The following CCT6A variants were observed in gnomAD, a reference collection of about 807,000 sequenced individuals.
CCT6A encodes the protein T-complex protein 1 subunit zeta.
CCT6A carries 6 observed loss-of-function variants against 58.6 expected under a neutral mutation model. The observed-to-expected ratio is 0.10, with a 90% confidence interval of 0.06 to 0.20. The LOEUF (loss-of-function observed/expected upper bound fraction) is 0.20, where lower values mean the gene tolerates loss of function less well. Among genes scored for constraint, CCT6A ranks in the 10% least tolerant of loss-of-function variants. CCT6A has a pLI of 1.00. For missense variants in CCT6A, 516 were observed against 648.8 expected, an observed-to-expected ratio of 0.80 and a Z score of 2.22; for synonymous variants, 245 against 227.8, an observed-to-expected ratio of 1.08 and a Z score of -0.68.
Position 56,058,631 on chromosome 7 carries a change from C to T in CCT6A, c.897C>T (p.Pro299=), listed in dbSNP as rs748610862. Residue 299 remains proline (P), a synonymous_variant, in exon 8 of 14, where the codon CCC becomes CCT. Transcript: ENST00000275603. ...FVVINQKGID[P]FSLDALSKEG... is the part of the protein sequence containing the mutation. ...TATTTTTGTTACAGGGAATTGACCC[C>T]TTTTCCTTAGATGCTCTTTCAAAAG... 7.5e-6 allele frequency: 12 copies of T among 1,606,274 alleles called. No homozygotes were observed. In the South Asian group the frequency reaches 8.8e-5, roughly 12 times the overall value.
At chr7:56,060,682 T>TC (rs1416341315) in intron 10 of CCT6A, 125 bp from the exon 11 acceptor site, 12 of 1,245,870 alleles carry the variant, frequency 9.6e-6, no homozygotes, top group Non-Finnish European at 1.4e-5. Context: ...CTATTTGGTA[T>TC]GTTAGTCACT....
intron 11 of CCT6A, 136 bp downstream of exon 11, chr7:56,061,076 T>G: frequency 4.5e-6 from 4 of 881,108 alleles, no homozygotes; most frequent in African/African-American, 3.4e-5. Flanking sequence ...AGAACAGGTA[T>G]TCCTCATCAT....
chr7:56,060,375 T>C lies in CCT6A; in HGVS notation c.1172T>C (p.Val391Ala), dbSNP rs778588911. ...ACACTCACTCAGATCAAAGATGCAG[T>C]GAGGGACGGCTTGAGGGCTGTCAAA... ...KHTLTQIKDA[V>A]RDGLRAVKNA... Residue 391 changes from valine to alanine, a missense_variant, in exon 10 of 14, where the codon GTG (valine) becomes GCG (alanine). This residue lies in a region of CCT6A where 315 missense variants were observed against 389.4 expected (regional missense o/e 0.81). Coordinates refer to ENST00000275603, the MANE Select transcript of CCT6A (RefSeq NM_001762.4). 6.2e-7 allele frequency: 1 copy of C among 1,614,082 alleles called. No individual in the cohort carries two copies. The highest frequency in any genetic ancestry group is 8.5e-7 in the Non-Finnish European group (1 of 1,179,954).
intron 6 of CCT6A, 61 bp from the exon 7 acceptor site, chr7:56,058,301 G>C: frequency 7.8e-7 from 1 of 1,290,286 alleles, no homozygotes. Flanking sequence ...GACTAATCCA[G>C]TTTCAGAAGC....
At chr7:56,060,159 A>G in intron 9 of CCT6A, 110 bp from the exon 10 acceptor site, 1 of 905,144 alleles carries the variant, frequency 1.1e-6, no homozygotes, top group East Asian at 2.5e-5. Flanking sequence ...CTTTAATGTG[A>G]TCAAGTTTGT....
chr7:56,055,625 G>A lies in CCT6A; in HGVS notation c.338G>A (p.Gly113Asp). Residue 113 changes from glycine to aspartate, a missense_variant and splice_region_variant, in exon 4 of 14, where the codon GGC becomes GAC. By Grantham distance (94) the Gly-to-Asp change is moderately conservative. This residue lies in a region of CCT6A where 116 missense variants were observed against 184.5 expected (regional missense o/e 0.63). Transcript: ENST00000275603. The part of the protein sequence containing the change: ...LKQADLYISE[G>D]LHPRIITEGF... ...AGTGTTAATGTGTGTTTATTTTAGGGCCTTCATCCTAGAATAATCACTGAA... is the reference window on the plus strand; with the variant it reads ...AGTGTTAATGTGTGTTTATTTTAGGACCTTCATCCTAGAATAATCACTGAA... 1 of 1,612,556 alleles carries A rather than the reference G, an allele frequency of 6.2e-7. No individual in the cohort carries two copies. Among genetic ancestry groups the A allele is most frequent in the Non-Finnish European group, 8.5e-7 (1 of 1,178,878 alleles).
At chr7:56,062,819 T>C (rs1794495424) in intron 13 of CCT6A, 64 bp downstream of exon 13, 67 of 1,390,306 alleles carry the variant, frequency 4.8e-5, no homozygotes, top group Non-Finnish European at 5.9e-5. Context: ...TGGTGTTCTC[T>C]GTTTAGTTGC....
intron 5 of CCT6A, among the ~76,000 whole-genome samples, chr7:56,056,992 TCAC>T (rs1286434467): frequency 2.0e-5 from 3 of 152,078 alleles, no homozygotes; most frequent in Non-Finnish European, 2.9e-5. Context: ...AGACGGGGTT[TCAC>T]CATGTTAACC....
At chr7:56,061,599 G>A (rs1352968572) in intron 11 of CCT6A, 148 bp from the exon 12 acceptor site, 6 of 466,064 alleles carry the variant, frequency 1.3e-5, no homozygotes, top group African/African-American at 8.6e-5. Flanking sequence ...CACCTTCCAC[G>A]GCCTCCCAAA....
chr7:56,055,964 A>G (rs1362676796), intron 4 of CCT6A, 167 bp downstream of exon 4: 2 of 569,302 alleles, frequency 3.5e-6, no homozygotes, highest in Non-Finnish European at 6.1e-6. Context: ...AAATTAAAAT[A>G]ATAGTATACC....
At chr7:56,055,422 G>C in intron 3 of CCT6A, 1 of 669,674 alleles carries the variant, frequency 1.5e-6, no homozygotes, top group South Asian at 1.7e-5. Context: ...CCCTGTGCTA[G>C]AGCATTCATT....
Position 56,063,480 on chromosome 7 carries a change from T to A in CCT6A, c.*395T>A, listed in dbSNP as rs1273211952. Reference sequence around the variant, plus strand: ...TATTGTTAAGCATTTGGTTTTAAAATTTTTATGCTAATATAAATGCTCAAG... The same window carrying A: ...TATTGTTAAGCATTTGGTTTTAAAAATTTTATGCTAATATAAATGCTCAAG... On this transcript the variant is annotated 3_prime_UTR_variant, in exon 14 of 14. Coordinates refer to ENST00000275603, the MANE Select transcript of CCT6A (RefSeq NM_001762.4). 2 of 185,632 alleles carry A rather than the reference T, an allele frequency of 1.1e-5. No individual in the cohort carries two copies. The highest frequency in any genetic ancestry group is 2.4e-5 in the African/African-American group (1 of 41,778). 11.5% of individuals were successfully genotyped at this position (185,632 alleles called of 1,614,324 possible).
intron 12 of CCT6A, 183 bp from the exon 13 acceptor site, chr7:56,062,500 A>G: frequency 1.6e-6 from 1 of 636,378 alleles, no homozygotes; most frequent in East Asian, 2.7e-5. Flanking sequence ...AGTATAAGTC[A>G]GACATTCATC....
intron 2 of CCT6A, among the ~76,000 whole-genome samples, chr7:56,052,788 CTTTTCT>C (rs1562846948): frequency 3.7e-5 from 1 of 27,048 alleles, no homozygotes; most frequent in African/African-American, 8.9e-5. Context: ...TTTTTCTTTT[CTTTTCT>C]TTTTTTTTTT....
chr7:56,052,544 T>C, intron 2 of CCT6A, 59 bp downstream of exon 2: 1 of 1,417,696 alleles, frequency 7.1e-7, no homozygotes, highest in Non-Finnish European at 1.0e-6. Flanking sequence ...ATGTTTTCTT[T>C]GTAGAAAGAT....
chr7:56,053,384 T>C (rs1477669043), intron 2 of CCT6A, among the ~76,000 whole-genome samples: 1 of 151,954 alleles, frequency 6.6e-6, no homozygotes, highest in Non-Finnish European at 1.5e-5. Flanking sequence ...ACCTAGGAGG[T>C]GTAGTTTTTG....
Position 56,060,297 on chromosome 7 carries a change from A to G in CCT6A, c.1094A>G (p.Lys365Arg). 1 of 1,613,998 alleles carries G rather than the reference A, an allele frequency of 6.2e-7. No homozygotes were observed. Among genetic ancestry groups the G allele is most frequent in the Non-Finnish European group, 8.5e-7 (1 of 1,179,858 alleles). ...GAAGAGAAGTTTACCTTTATTGAGA[A>G]ATGTAACAACCCTCGTTCTGTCACA... is the stretch of plus-strand genomic sequence containing the variant. ...LGEEKFTFIEKCNNPRSVTLL... is the reference protein window; with the variant it reads ...LGEEKFTFIERCNNPRSVTLL... Residue 365 changes from lysine (K) to arginine (R), a missense_variant, in exon 10 of 14, where the codon AAA becomes AGA. Transcript: ENST00000275603.
rs768319112 is a variant in CCT6A at position 56,051,859 on chromosome 7, T to C, written c.11T>C (p.Val4Ala). The C allele has an allele frequency of 6.4e-7, 1 of 1,559,756 alleles. No individual in the cohort carries two copies. The highest frequency in any genetic ancestry group is 8.7e-7 in the Non-Finnish European group (1 of 1,152,734). MAA[V>A]KTLNPKAEVA... ...TCCGCTGGAGCAGCTATGGCGGCGG[T>C]GAAGACCCTGAACCCCAAGGCCGAG... The change falls in exon 1 of 14, where the codon GTG becomes GCG. Residue 4 changes from valine (V) to alanine (A), a missense_variant. Physicochemically the swap from Val to Ala is moderately conservative, Grantham distance 64. Around this residue, in one of 3 missense-constraint regions of CCT6A, gnomAD observed 116 missense variants for 184.5 expected, o/e 0.63. Coordinates refer to ENST00000275603, the MANE Select transcript of CCT6A (RefSeq NM_001762.4).
At chr7:56,061,987 A>T in intron 12 of CCT6A, 138 bp downstream of exon 12, 1 of 506,206 alleles carries the variant, frequency 2.0e-6, no homozygotes, top group East Asian at 3.5e-5. Context: ...ATGGGATAAA[A>T]TAGGATATTA....
Sources: gnomAD v4.1 joint callset for allele counts (sites outside exome capture counted in the v4.1 genomes callset) on GRCh38, gnomAD v4.1.1 for gene constraint, gnomAD v4.1.1 regional missense constraint, MANE v1.5 for transcripts, NCBI Gene and HGNC (gene_info 2026-07-23, HGNC 2026-07-21) for gene names.